Variants in LRCH2 observed in about 807,000 individuals in gnomAD.
LRCH2 encodes the protein leucine-rich repeat and calponin homology domain-containing protein 2.
Under a neutral mutation model 68.9 loss-of-function variants are expected in LRCH2, and 38 were observed. The observed-to-expected ratio is 0.55, with a 90% CI of 0.43 to 0.72. LRCH2 has a LOEUF of 0.72. Ranked by LOEUF, LRCH2 falls within the 30% of genes least tolerant of loss-of-function variation. LRCH2 has a pLI of 0.00. For synonymous variants in LRCH2, 191 were observed against 208.1 expected (o/e 0.92, Z 0.71); for missense variants, 528 against 572.9 (o/e 0.92, Z 0.80).
chrX:115,140,680 C>A (rs1208060466), intron 14 of LRCH2, among the ~76,000 whole-genome samples: 1 of 111,166 alleles, frequency 9.0e-6, no homozygotes, highest in African/African-American at 3.3e-5. Context: ...TGGGCTTTAA[C>A]AGAACATGAG....
At chrX:115,198,282 C>T (rs981186853) in intron 1 of LRCH2, 2 of 111,277 alleles carry the variant, frequency 1.8e-5, no homozygotes, top group Admixed American at 9.5e-5. Context: ...ATTTAGACAT[C>T]CAGACACAGG....
At chrX:115,113,478 T>C in intron 20 of LRCH2, 143 bp from the exon 21 acceptor site, 1 of 457,599 alleles carries the variant, frequency 2.2e-6, no homozygotes, top group Non-Finnish European at 3.4e-6. Flanking sequence ...AATATTGTAA[T>C]CTAAAATGTT....
intron 1 of LRCH2, among the ~76,000 whole-genome samples, chrX:115,215,476 G>A (rs2147357105): frequency 9.0e-6 from 1 of 111,038 alleles, no homozygotes; most frequent in East Asian, 2.8e-4. Context: ...GCCAGGTGCA[G>A]TGGCTCACGT....
At chrX:115,117,365 A>G (rs1340993734) in intron 20 of LRCH2, among the ~76,000 whole-genome samples, 2 of 111,706 alleles carry the variant, frequency 1.8e-5, no homozygotes, top group Non-Finnish European at 3.8e-5. Context: ...CAGTACAACC[A>G]CTTTGGAAGA....
chrX:115,220,361 T>C (rs943354806), intron 1 of LRCH2, among the ~76,000 whole-genome samples: 1 of 112,275 alleles, frequency 8.9e-6, no homozygotes, highest in African/African-American at 3.2e-5. Flanking sequence ...AAGGCAACAA[T>C]ATTATATTGA....
At chrX:115,201,581 G>A (rs960026202) in intron 1 of LRCH2, among the ~76,000 whole-genome samples, 4 of 111,306 alleles carry the variant, frequency 3.6e-5, no homozygotes, top group Non-Finnish European at 7.5e-5. Flanking sequence ...AAAAGCTGAA[G>A]GCCTTCCAAC....
rs1170832411 is a variant in LRCH2 at position 115,110,911 on chromosome X, T to G, written c.*2305A>C. On this transcript the variant is annotated 3_prime_UTR_variant, in exon 21 of 21. Transcript: ENST00000317135. ...ACAGAAATAGATATCTATTAAATTT[T>G]GGGGGCCTAATAAAATATTTTTGAT... 8.9e-6 allele frequency: 1 copy of G among 111,983 alleles called. No homozygotes were observed. The highest frequency in any genetic ancestry group is 3.2e-5 in the African/African-American group (1 of 30,829). 9.2% of individuals were successfully genotyped at this position (111,983 alleles called of 1,213,427 possible).
intron 1 of LRCH2, among the ~76,000 whole-genome samples, chrX:115,225,971 C>G (rs1569518140): frequency 3.6e-5 from 4 of 112,050 alleles, no homozygotes; most frequent in Non-Finnish European, 5.6e-5. Context: ...TTCATAGGAT[C>G]TCCTATACAT....
intron 12 of LRCH2, 123 bp from the exon 13 acceptor site, chrX:115,150,193 T>C (rs1258627092): frequency 1.9e-6 from 1 of 527,148 alleles, no homozygotes; most frequent in Admixed American, 4.9e-5. Flanking sequence ...GTCTACACTT[T>C]GGCCTAACAA....
intron 1 of LRCH2, chrX:115,190,814 G>C (rs868908263): frequency 8.6e-7 from 1 of 1,157,008 alleles, no homozygotes; most frequent in Non-Finnish European, 1.2e-6. Context: ...GGCCATGACA[G>C]TTCCAGCTGG....
intron 14 of LRCH2, among the ~76,000 whole-genome samples, chrX:115,135,863 T>C (rs1015957272): frequency 1.8e-5 from 2 of 112,076 alleles, no homozygotes; most frequent in African/African-American, 3.2e-5. Context: ...TAATTGTGAG[T>C]AATTTTTAGC....
intron 1 of LRCH2, chrX:115,190,342 C>T (rs1456524062): frequency 9.5e-6 from 11 of 1,158,811 alleles, no homozygotes; most frequent in Admixed American, 7.9e-5. Flanking sequence ...AGGCTCCTAC[C>T]GAGAGCCCCT....
intron 15 of LRCH2, among the ~76,000 whole-genome samples, chrX:115,127,194 A>G (rs1014113196): frequency 9.0e-6 from 1 of 111,674 alleles, no homozygotes; most frequent in Non-Finnish European, 1.9e-5. Context: ...CTATCTACAT[A>G]TAATAGCAGG....
At chrX:115,190,776 G>C in intron 1 of LRCH2, 1 of 1,166,282 alleles carries the variant, frequency 8.6e-7, no homozygotes, top group Non-Finnish European at 1.1e-6. Context: ...CCCACAGCAG[G>C]GGCCGGTCCG....
intron 1 of LRCH2, among the ~76,000 whole-genome samples, chrX:115,222,734 T>C (rs2073093630): frequency 8.9e-6 from 1 of 112,179 alleles, no homozygotes; most frequent in Non-Finnish European, 1.9e-5. Context: ...TATTCATGGA[T>C]TGGACAACTT....
chrX:115,230,016 C>T (rs1436816719), intron 1 of LRCH2, among the ~76,000 whole-genome samples: 1 of 112,171 alleles, frequency 8.9e-6, no homozygotes, highest in Non-Finnish European at 1.9e-5. Context: ...GCAGCAAGTA[C>T]GCTGAAACAT....
At chrX:115,216,882 A>G (rs1309991947) in intron 1 of LRCH2, among the ~76,000 whole-genome samples, 1 of 112,217 alleles carries the variant, frequency 8.9e-6, no homozygotes, top group East Asian at 2.8e-4. Context: ...AAGGAATTTT[A>G]CAGAACTGAA....
At chrX:115,144,251 T>C (rs1176547805) in intron 14 of LRCH2, among the ~76,000 whole-genome samples, 10 of 111,735 alleles carry the variant, frequency 8.9e-5, no homozygotes, top group African/African-American at 3.3e-4. Flanking sequence ...CCTCTTTCTT[T>C]TGTAAATTGA....
intron 1 of LRCH2, chrX:115,189,823 G>A (rs1556556464): frequency 2.6e-6 from 3 of 1,167,250 alleles, no homozygotes; most frequent in South Asian, 1.9e-5. Context: ...GGGCAGGCCT[G>A]ATGACGGCCG....
Sources: gnomAD v4.1 joint callset for allele counts (sites outside exome capture counted in the v4.1 genomes callset) on GRCh38, gnomAD v4.1.1 for gene constraint, MANE v1.5 for transcripts, NCBI Gene and HGNC (gene_info 2026-07-23, HGNC 2026-07-21) for gene names.